CNTNAP3B: variants seen among roughly 807,000 people sequenced by gnomAD.
CNTNAP3B encodes contactin-associated protein-like 3B.
Under a neutral mutation model 108.9 loss-of-function variants are expected in CNTNAP3B, and 25 were observed. The observed-to-expected ratio is 0.23, with a 90% CI of 0.17 to 0.32. CNTNAP3B has a LOEUF of 0.32. Among genes scored for constraint, CNTNAP3B ranks in the 10% least tolerant of loss-of-function variants. The pLI, the probability that CNTNAP3B is intolerant of heterozygous loss-of-function variation, is 1.00. For synonymous variants in CNTNAP3B, 103 were observed against 473.4 expected (o/e 0.22, Z 10.16); for missense variants, 252 against 1,210.4 (o/e 0.21, Z 11.75).
intron 15 of CNTNAP3B, 40 bp downstream of exon 15, chr9:41,929,277 A>C: frequency 6.8e-7 from 1 of 1,465,558 alleles, no homozygotes; most frequent in Non-Finnish European, 9.1e-7. Flanking sequence ...AACCAAAAAA[A>C]GTTATTATGA....
chr9:41,937,082 C>T (rs1486915628), intron 14 of CNTNAP3B, among the ~76,000 whole-genome samples: 1 of 135,610 alleles, frequency 7.4e-6, no homozygotes, highest in East Asian at 2.0e-4. Context: ...ATACTGACAC[C>T]TGGAATGACC....
chr9:41,973,074 A>C (rs1051787763), intron 9 of CNTNAP3B, among the ~76,000 whole-genome samples: 1 of 139,666 alleles, frequency 7.2e-6, no homozygotes, highest in Non-Finnish European at 1.5e-5. Context: ...AGTGGCTGGG[A>C]CTACAGACAC....
intron 3 of CNTNAP3B, among the ~76,000 whole-genome samples, chr9:42,071,431 A>G (rs1473202819): frequency 3.6e-5 from 5 of 137,466 alleles, no homozygotes; most frequent in Non-Finnish European, 7.8e-5. Context: ...GAAGAACAAC[A>G]TAGCACAAAA....
At chr9:41,950,690 T>C (rs541562355) in intron 13 of CNTNAP3B, among the ~76,000 whole-genome samples, 2 of 147,656 alleles carry the variant, frequency 1.4e-5, no homozygotes, top group African/African-American at 5.0e-5. Flanking sequence ...AAAAAACCCA[T>C]AGAAATGGAG....
At chr9:42,034,182 A>C (rs867809705) in intron 3 of CNTNAP3B, among the ~76,000 whole-genome samples, 1 of 61,862 alleles carries the variant, frequency 1.6e-5, no homozygotes, top group Admixed American at 1.6e-4. Flanking sequence ...ATGTATGTAT[A>C]TATGTATCTA....
intron 18 of CNTNAP3B, among the ~76,000 whole-genome samples, chr9:41,916,944 T>G (rs2117916836): frequency 6.7e-6 from 1 of 149,718 alleles, no homozygotes; most frequent in Non-Finnish European, 1.5e-5. Flanking sequence ...TATATATGAT[T>G]TTTCTCTTAC....
chr9:42,036,508 C>T (rs1269855154), intron 3 of CNTNAP3B, among the ~76,000 whole-genome samples: 4 of 137,046 alleles, frequency 2.9e-5, no homozygotes, highest in Non-Finnish European at 4.7e-5. Flanking sequence ...GAGGAGCGCC[C>T]GCCATTGCTG....
chr9:41,951,085 C>T (rs1013774223), intron 13 of CNTNAP3B, among the ~76,000 whole-genome samples: 1 of 116,548 alleles, frequency 8.6e-6, no homozygotes, highest in Non-Finnish European at 1.8e-5. Context: ...GATGGAAATA[C>T]TGTGTATCTT....
rs999272268 is a variant in CNTNAP3B at position 41,962,821 on chromosome 9, G to C, written c.1756+1717C>G. The stretch of plus-strand genomic sequence containing the variant: ...ATACAAAAAATTAGCCAGGCGTGGT[G>C]GCGGGCGCCTGTAGTCCCAGGTACT... On this transcript the variant is annotated intron_variant, in intron 11 of 23. Transcript: ENST00000377561. Among the ~76,000 whole-genome samples the C allele has an allele frequency of 2.6e-5, 4 of 152,310 alleles. No individual in the cohort carries two copies. In the East Asian group the frequency reaches 7.7e-4, roughly 29 times the overall value.
intron 2 of CNTNAP3B, among the ~76,000 whole-genome samples, chr9:42,087,524 G>T (rs1311921702): frequency 4.9e-5 from 7 of 142,394 alleles, no homozygotes; most frequent in African/African-American, 1.6e-4. Context: ...ATATTCATAC[G>T]TGCCCTATTG....
chr9:41,955,655 A>G (rs1168814050), intron 12 of CNTNAP3B, among the ~76,000 whole-genome samples: 11 of 152,398 alleles, frequency 7.2e-5, no homozygotes, highest in African/African-American at 2.6e-4. Flanking sequence ...GAGTAGATTA[A>G]TTATAACAGT....
intron 16 of CNTNAP3B, among the ~76,000 whole-genome samples, chr9:41,923,564 C>A (rs1295308059): frequency 6.6e-6 from 1 of 152,282 alleles, no homozygotes; most frequent in Non-Finnish European, 1.5e-5. Flanking sequence ...GAGTTGAAGA[C>A]CAGCCTGGTC....
rs1445255298 is a variant in CNTNAP3B at position 42,011,702 on chromosome 9, C to T, written c.538+1676G>A. 16 of 67,382 alleles carry T rather than the reference C, an allele frequency of 2.4e-4. 4 individuals are homozygous for T. Among genetic ancestry groups the T allele is most frequent in the South Asian group, 5.0e-4 (1 of 2,018 alleles). 4.2% of individuals were successfully genotyped at this position (67,382 alleles called of 1,614,324 possible). On this transcript the variant is annotated intron_variant, in intron 4 of 23. Transcript: ENST00000377561. Reference sequence around the variant, plus strand: ...GGATATTATAAGTCATTATAAGCAACGTTCTAGAAAACAAGCAGGGCAGTG... The same window carrying T: ...GGATATTATAAGTCATTATAAGCAATGTTCTAGAAAACAAGCAGGGCAGTG...
chr9:42,053,931 G>A (rs568708679), intron 3 of CNTNAP3B, among the ~76,000 whole-genome samples: 3 of 151,224 alleles, frequency 2.0e-5, no homozygotes, highest in Admixed American at 1.3e-4. Flanking sequence ...GACTTGTATT[G>A]ATGCATTTTC....
rs1461881644 is a variant in CNTNAP3B, at chr9:42,093,220, C to T, written c.196+11409G>A. Reference sequence around the variant, plus strand: ...ATTAGCCAGGCGTGGTGGCGCGACCCTGTAATCCCAGTTACTCAGAAGGCT... The same window carrying T: ...ATTAGCCAGGCGTGGTGGCGCGACCTTGTAATCCCAGTTACTCAGAAGGCT... On this transcript the variant is annotated intron_variant, in intron 2 of 23. Transcript: ENST00000377561. Among the ~76,000 whole-genome samples, 3 of 94,532 alleles carry T rather than the reference C, an allele frequency of 3.2e-5. 1 individual carries two copies. Among genetic ancestry groups the T allele is most frequent in the Non-Finnish European group, 6.7e-5 (3 of 44,928 alleles). The allele number at this position is 94,532 out of a possible 152,430, so 62.0% of individuals were successfully genotyped here.
At chr9:42,016,911 A>G (rs1473463929) in intron 3 of CNTNAP3B, among the ~76,000 whole-genome samples, 1 of 151,566 alleles carries the variant, frequency 6.6e-6, no homozygotes, top group Non-Finnish European at 1.5e-5. Context: ...TTCCTCTGCA[A>G]TTTGTGTGTG....
chr9:41,915,837 A>T (rs1823502845), intron 18 of CNTNAP3B, among the ~76,000 whole-genome samples: 1 of 151,142 alleles, frequency 6.6e-6, no homozygotes, highest in South Asian at 2.1e-4. Flanking sequence ...GATAAATCCT[A>T]CTAGGTTTTG....
intron 15 of CNTNAP3B, among the ~76,000 whole-genome samples, chr9:41,927,487 G>A (rs1032148392): frequency 1.3e-5 from 2 of 151,180 alleles, no homozygotes; most frequent in Non-Finnish European, 2.9e-5. Context: ...AGGAAGGAAG[G>A]AAGGAGTATA....
intron 12 of CNTNAP3B, among the ~76,000 whole-genome samples, 161 bp downstream of exon 12, chr9:41,960,612 A>G (rs1825052059): frequency 6.6e-6 from 1 of 152,296 alleles, no homozygotes; most frequent in Non-Finnish European, 1.5e-5. Context: ...CAAAGAAGAA[A>G]TACAAGAAAA....
Sources: gnomAD v4.1 joint callset for allele counts (sites outside exome capture counted in the v4.1 genomes callset) on GRCh38, gnomAD v4.1.1 for gene constraint, MANE v1.5 for transcripts, NCBI Gene and HGNC (gene_info 2026-07-23, HGNC 2026-07-21) for gene names.